Variants in DPEP1 observed in about 807,000 individuals in gnomAD.
DPEP1 encodes beta-lactamase.
Under a neutral mutation model 42.3 loss-of-function variants are expected in DPEP1, and 50 were observed. That is an observed-to-expected ratio of 1.18 (90% CI 0.94 to 1.50). The LOEUF is 1.50. Among genes scored for constraint, DPEP1 ranks in the 40% most tolerant of loss-of-function variants. The pLI is 0.00. For synonymous variants in DPEP1, 297 were observed against 234.0 expected (o/e 1.27, Z -2.46); for missense variants, 663 against 553.0 (o/e 1.20, Z -1.99).
chr16:89,615,734 C>T (rs542273012), intron 1 of DPEP1, among the ~76,000 whole-genome samples: 1 of 152,190 alleles, frequency 6.6e-6, no homozygotes, highest in Non-Finnish European at 1.5e-5. Context: ...CACGGAGGCA[C>T]GTTGGGATTT....
At chr16:89,627,800 C>T (rs575364885) in intron 1 of DPEP1, among the ~76,000 whole-genome samples, 19 of 151,130 alleles carry the variant, frequency 1.3e-4, no homozygotes, top group African/African-American at 2.2e-4. Context: ...GCTGGGATTA[C>T]GGGCAAGGGC....
In DPEP1 at chr16:89,630,472, A is replaced by C. The variant is rs779514415; in HGVS notation, c.62A>C (p.Asp21Ala). The C allele has an allele frequency of 6.2e-7, 1 of 1,608,712 alleles. No homozygotes were observed. Among genetic ancestry groups the C allele is most frequent in the Middle Eastern group, 1.7e-4 (1 of 6,052 alleles). ...VAVCTADFFR[D>A]EAERIMRDSP... ...GTCTGCACTGCAGACTTCTTTCGGG[A>C]CGAGGCAGAGAGGATCATGAGGGAC... The change falls in exon 2 of 11, where the codon GAC becomes GCC. Residue 21 changes from aspartate (D) to alanine (A), a missense_variant. Asp to Ala is a moderately radical substitution (Grantham distance 126, BLOSUM62 -2). Coordinates refer to ENST00000690203, the MANE Select transcript of DPEP1 (RefSeq NM_001389466.1).
chr16:89,623,204 C>A (rs2059467166), intron 1 of DPEP1, among the ~76,000 whole-genome samples: 1 of 152,008 alleles, frequency 6.6e-6, no homozygotes, highest in Non-Finnish European at 1.5e-5. Flanking sequence ...GCTGTGGACC[C>A]AGCTACTTGG....
In DPEP1 at chr16:89,637,512, C is replaced by G; in HGVS notation, c.813C>G (p.Tyr271Ter). The G allele has an allele frequency of 1.2e-6, 2 of 1,612,828 alleles. No individual in the cohort carries two copies. Among genetic ancestry groups the G allele is most frequent in the Non-Finnish European group, 1.7e-6 (2 of 1,179,984 alleles). The change falls in exon 8 of 11, where the codon TAC (tyrosine) becomes TAG (stop). Residue 271 changes from tyrosine (Y) to a stop codon, truncating the protein, a stop_gained. Coordinates refer to ENST00000690203, the MANE Select transcript of DPEP1 (RefSeq NM_001389466.1). LOFTEE classifies it high-confidence loss of function. The part of the protein sequence containing the change: ...SLVMVNFYNN[Y>*]ISCTNKANLS... ...TGATGGTGAACTTCTACAACAATTA[C>G]ATTTCCTGCACCAACAAGGCCAACC...
At chr16:89,618,020 T>C (rs899038647) in intron 1 of DPEP1, among the ~76,000 whole-genome samples, 10 of 152,022 alleles carry the variant, frequency 6.6e-5, no homozygotes, top group Admixed American at 3.9e-4. Flanking sequence ...CGAGACTCAG[T>C]CTCAAAAAAT....
chr16:89,638,069 G>C lies in DPEP1; in HGVS notation c.1083G>C (p.Gln361His). 9 of 1,612,218 alleles carry C rather than the reference G, an allele frequency of 5.6e-6. No homozygotes were observed. The highest frequency in any genetic ancestry group is 6.8e-6 in the Non-Finnish European group (8 of 1,179,804). ...EAVEQASNLTQAPEEEPIPLD... is the reference protein window; with the variant it reads ...EAVEQASNLTHAPEEEPIPLD... ...GTCCCCAGGCCAGCAACCTCACACA[G>C]GCTCCCGAGGAGGAGCCCATCCCGC... Residue 361 changes from glutamine to histidine, a missense_variant, in exon 11 of 11, where the codon CAG becomes CAC. Gln to His is a conservative substitution (Grantham distance 24). Transcript: ENST00000690203.
chr16:89,614,602 G>T (rs1025411762), intron 1 of DPEP1, among the ~76,000 whole-genome samples: 1 of 152,172 alleles, frequency 6.6e-6, no homozygotes, highest in Non-Finnish European at 1.5e-5. Flanking sequence ...AGACCATCCT[G>T]GCTAACACGG....
At chr16:89,638,710 C>T (rs865866058), downstream of DPEP1, among the ~76,000 whole-genome samples, 3 of 114,444 alleles carry the variant, frequency 2.6e-5, no homozygotes, top group East Asian at 2.1e-4. Context: ...ACACACACAC[C>T]GCACCCCTGC....
rs777336482 is a variant in DPEP1, at chr16:89,636,701, G to A, written c.521+18G>A. ...ACGCCCTGGTGCGTGACTCCCCATG[G>A]GAGGCCCCCGGGCTGTGGTCAGGAG... is the stretch of plus-strand genomic sequence containing the variant. On this transcript the variant is annotated intron_variant, in intron 5 of 10. Coordinates refer to ENST00000690203, the MANE Select transcript of DPEP1 (RefSeq NM_001389466.1). 3.2e-5 allele frequency: 52 copies of A among 1,611,470 alleles called. No homozygotes were observed. The South Asian group carries it at 4.6e-4, about 14-fold the overall frequency.
At position 89,630,328 on chromosome 16, in the gene DPEP1, A is replaced by T; in HGVS notation, c.-83A>T. Reference sequence around the variant, plus strand: ...AGGCAGAGTGGCTCCTCACAGCCTGAAGCTCATCCTTCTGCACGGGCCAGC... The same window carrying T: ...AGGCAGAGTGGCTCCTCACAGCCTGTAGCTCATCCTTCTGCACGGGCCAGC... On this transcript the variant is annotated 5_prime_UTR_variant, in exon 2 of 11. Transcript: ENST00000690203. 2 of 1,151,372 alleles carry T rather than the reference A, an allele frequency of 1.7e-6. No homozygotes were observed. The highest frequency in any genetic ancestry group is 2.5e-6 in the Non-Finnish European group (2 of 789,766). 71.3% of individuals were successfully genotyped at this position (1,151,372 alleles called of 1,614,324 possible). A position where few individuals can be genotyped will look rare whatever the true frequency, so the allele number is the denominator to read the frequency against.
intron 2 of DPEP1, among the ~76,000 whole-genome samples, chr16:89,633,258 G>A (rs989303021): frequency 1.3e-5 from 2 of 152,226 alleles, no homozygotes; most frequent in Non-Finnish European, 2.9e-5. Flanking sequence ...GGAGAGGCCC[G>A]TGCCAGCCCA....
chr16:89,614,547 C>T (rs2059362699), intron 1 of DPEP1, among the ~76,000 whole-genome samples: 1 of 152,224 alleles, frequency 6.6e-6, no homozygotes, highest in Non-Finnish European at 1.5e-5. Context: ...GTAATCCCCA[C>T]ACTGTGGGAG....
At chr16:89,614,665 G>C (rs1033696641) in intron 1 of DPEP1, among the ~76,000 whole-genome samples, 1 of 152,150 alleles carries the variant, frequency 6.6e-6, no homozygotes, top group Non-Finnish European at 1.5e-5. Context: ...CGTGGTGGCG[G>C]GCGCCTGTAG....
downstream of DPEP1, among the ~76,000 whole-genome samples, chr16:89,638,658 C>A (rs1413064295): frequency 2.0e-5 from 3 of 149,464 alleles, no homozygotes; most frequent in Admixed American, 6.7e-5. Context: ...GTGCACACAC[C>A]CCACCCCTGC....
chr16:89,638,409 G>C lies in DPEP1; in HGVS notation c.*187G>C. ...TTCAGGACACACACACAGTAGGCCC[G>C]CAATAAAAGCAACACCCCTTCACAT... On this transcript the variant is annotated 3_prime_UTR_variant, in exon 11 of 11. Transcript: ENST00000690203. 2.2e-6 allele frequency: 3 copies of C among 1,345,312 alleles called. No homozygotes were observed. Among genetic ancestry groups the C allele is most frequent in the Non-Finnish European group, 2.8e-6 (3 of 1,054,280 alleles). 83.3% of individuals were successfully genotyped at this position (1,345,312 alleles called of 1,614,324 possible). A position where few individuals can be genotyped will look rare whatever the true frequency, so the allele number is the denominator to read the frequency against.
chr16:89,614,460 C>T (rs16965867), intron 1 of DPEP1, among the ~76,000 whole-genome samples: 34,587 of 152,148 alleles, frequency 0.23, 4,105 homozygotes, highest in South Asian at 0.35. Flanking sequence ...GTTGTCCGGC[C>T]CCACAATTTC....
At chr16:89,615,231 C>T (rs141363397) in intron 1 of DPEP1, among the ~76,000 whole-genome samples, 3 of 152,320 alleles carry the variant, frequency 2.0e-5, no homozygotes, top group Non-Finnish European at 2.9e-5. Context: ...TTCAGGGGGA[C>T]GTAGGCTGCG....
chr16:89,627,651 CTTTTTTTTTTTTTTTTT>C (rs1175287086), intron 1 of DPEP1, among the ~76,000 whole-genome samples: 1 of 52,840 alleles, frequency 1.9e-5, no homozygotes, highest in Non-Finnish European at 3.2e-5. Context: ...GATATTTCTT[CTTTTTTTTTTTTTTTTT>C]TTTTTTTTTT....
chr16:89,622,174 C>T (rs560212606), intron 1 of DPEP1, among the ~76,000 whole-genome samples: 27 of 152,284 alleles, frequency 1.8e-4, no homozygotes, highest in Admixed American at 3.3e-4. Flanking sequence ...GCTCCCACCC[C>T]GAGGGGTCTC....
Sources: allele counts gnomAD v4.1 joint callset (sites outside exome capture counted in the v4.1 genomes callset), GRCh38; gene constraint gnomAD v4.1.1; transcripts MANE v1.5; gene names NCBI Gene and HGNC (gene_info 2026-07-23, HGNC 2026-07-21).